The following TYW1B variants were observed in gnomAD, a reference collection of about 807,000 sequenced individuals.
TYW1B encodes the protein tRNA-yW synthesizing protein 1 homolog B.
A neutral mutation model predicts 86.9 loss-of-function variants in TYW1B; 73 were observed. The ratio of observed to expected loss-of-function variants is 0.84; its 90% CI spans 0.70 to 1.02. The LOEUF is 1.02. TYW1B is among the 50% of genes least tolerant of loss of function. The pLI, the probability that TYW1B is intolerant of heterozygous loss-of-function variation, is 0.00. For synonymous variants in TYW1B, 248 were observed against 292.8 expected, an observed-to-expected ratio of 0.85 and a Z score of 1.56; for missense variants, 637 against 827.4, an observed-to-expected ratio of 0.77 and a Z score of 2.82.
At chr7:72,634,613 A>T (rs3015881) in intron 11 of TYW1B, among the ~76,000 whole-genome samples, 66,332 of 149,150 alleles carry the variant, frequency 0.44, 16,845 homozygotes, top group African/African-American at 0.7. Flanking sequence ...ATTGCCAAAG[A>T]CATTTTGCCA....
chr7:72,737,975 C>T (rs564407646), intron 8 of TYW1B, among the ~76,000 whole-genome samples: 12 of 151,878 alleles, frequency 7.9e-5, no homozygotes, highest in Admixed American at 4.6e-4. Context: ...GGAGTTTCAC[C>T]GTGTTAGCCA....
At chr7:72,808,426 T>G (rs1788536235) in intron 4 of TYW1B, among the ~76,000 whole-genome samples, 1 of 152,032 alleles carries the variant, frequency 6.6e-6, no homozygotes, top group African/African-American at 2.4e-5. Context: ...GGCAACACGG[T>G]GAGACCCTGT....
At chr7:72,670,097 C>T (rs1389754531) in intron 11 of TYW1B, among the ~76,000 whole-genome samples, 21 of 152,162 alleles carry the variant, frequency 1.4e-4, no homozygotes, top group African/African-American at 5.1e-4. Flanking sequence ...TGCCACTGCA[C>T]TCCAGCCTGG....
At chr7:72,817,801 C>A (rs1788752519) in intron 2 of TYW1B, among the ~76,000 whole-genome samples, 1 of 152,052 alleles carries the variant, frequency 6.6e-6, no homozygotes, top group Admixed American at 6.6e-5. Context: ...TTGGTAACAC[C>A]CCCAGGTACC....
intron 13 of TYW1B, among the ~76,000 whole-genome samples, chr7:72,582,678 A>T (rs1457474530): frequency 1.3e-5 from 2 of 152,164 alleles, no homozygotes; most frequent in Non-Finnish European, 2.9e-5. Flanking sequence ...GGTGGTAGAG[A>T]GTGAACTGTC....
chr7:72,592,638 C>T (rs1340787186), intron 13 of TYW1B, among the ~76,000 whole-genome samples: 1 of 152,178 alleles, frequency 6.6e-6, no homozygotes, highest in East Asian at 1.9e-4. Context: ...CCATTCTATG[C>T]TATCTACAAT....
intron 7 of TYW1B, among the ~76,000 whole-genome samples, chr7:72,746,729 C>G (rs571113433): frequency 1.3e-5 from 2 of 152,226 alleles, no homozygotes; most frequent in African/African-American, 4.8e-5. Context: ...CATGTAAGAA[C>G]TAGAGCCCAT....
At chr7:72,715,342 T>C (rs1195389156) in intron 9 of TYW1B, among the ~76,000 whole-genome samples, 1 of 152,156 alleles carries the variant, frequency 6.6e-6, no homozygotes, top group Non-Finnish European at 1.5e-5. Context: ...TAAATCACGG[T>C]CTCTGGGGAG....
intron 7 of TYW1B, among the ~76,000 whole-genome samples, chr7:72,771,324 C>T (rs1776493701): frequency 6.6e-6 from 1 of 152,070 alleles, no homozygotes; most frequent in Non-Finnish European, 1.5e-5. Context: ...AACAAGAATT[C>T]CCTAGGGAAA....
chr7:72,608,104 G>A (rs1811846619), intron 13 of TYW1B, among the ~76,000 whole-genome samples: 1 of 152,178 alleles, frequency 6.6e-6, no homozygotes. Context: ...GAATGGAGAG[G>A]AAACCAAGAC....
chr7:72,668,679 T>C (rs1554445765), intron 11 of TYW1B, among the ~76,000 whole-genome samples: 1 of 152,118 alleles, frequency 6.6e-6, no homozygotes. Context: ...TAGTAATCAG[T>C]GGTGGCTCTT....
chr7:72,794,513 G>A (rs1275999369), intron 6 of TYW1B, among the ~76,000 whole-genome samples: 1 of 151,654 alleles, frequency 6.6e-6, no homozygotes, highest in Non-Finnish European at 1.5e-5. Flanking sequence ...CTGAGATTGT[G>A]CCACTGCACC....
chr7:72,611,640 T>C (rs1811935805), intron 13 of TYW1B, among the ~76,000 whole-genome samples: 1 of 152,200 alleles, frequency 6.6e-6, no homozygotes, highest in Non-Finnish European at 1.5e-5. Context: ...GGTATGTCTT[T>C]ATCAGCAGCG....
At chr7:72,630,941 A>T (rs1812471776) in intron 11 of TYW1B, among the ~76,000 whole-genome samples, 1 of 152,148 alleles carries the variant, frequency 6.6e-6, no homozygotes, top group Admixed American at 6.6e-5. Context: ...GCATTTTGTT[A>T]AAAATCCCGG....
chr7:72,642,075 C>T (rs1812812844), intron 11 of TYW1B, among the ~76,000 whole-genome samples: 1 of 152,194 alleles, frequency 6.6e-6, no homozygotes, highest in South Asian at 2.1e-4. Context: ...AAAACCCATA[C>T]ACTTAGCGGC....
chr7:72,792,537 A>T lies in TYW1B; in HGVS notation c.846+9863T>A, dbSNP rs577709425. 5.3e-5 allele frequency among the ~76,000 whole-genome samples: 8 copies of T among 152,308 alleles called. No individual in the cohort carries two copies. The South Asian group carries it at 1.7e-3, about 32-fold the overall frequency. On this transcript the variant is annotated intron_variant, in intron 6 of 13. Transcript: ENST00000620995. ...TACTCTCATTTCTCTTCTACAATGGAAACAGAAGGGAAACTTTTTGCAACT... is the reference window on the plus strand; with the variant it reads ...TACTCTCATTTCTCTTCTACAATGGTAACAGAAGGGAAACTTTTTGCAACT...
chr7:72,646,699 C>T (rs781864805), intron 11 of TYW1B, among the ~76,000 whole-genome samples: 8 of 152,106 alleles, frequency 5.3e-5, no homozygotes, highest in African/African-American at 1.7e-4. Context: ...ATGTTGTATA[C>T]GGAAGTATTC....
At chr7:72,798,280 A>G (rs1472662776) in intron 6 of TYW1B, among the ~76,000 whole-genome samples, 1 of 151,760 alleles carries the variant, frequency 6.6e-6, no homozygotes, top group Non-Finnish European at 1.5e-5. Context: ...AGTCCCAGCT[A>G]CTCGGGAGGC....
At chr7:72,604,037 T>C (rs1811739289) in intron 13 of TYW1B, among the ~76,000 whole-genome samples, 1 of 152,152 alleles carries the variant, frequency 6.6e-6, no homozygotes, top group African/African-American at 2.4e-5. Flanking sequence ...GGCTCACGAA[T>C]TGTAACACAC....
Sources: gnomAD v4.1 joint callset for allele counts (sites outside exome capture counted in the v4.1 genomes callset) on GRCh38, gnomAD v4.1.1 for gene constraint, MANE v1.5 for transcripts, NCBI Gene and HGNC (gene_info 2026-07-23, HGNC 2026-07-21) for gene names.